DMD: variants seen among roughly 807,000 people sequenced by gnomAD.
The protein encoded by DMD is dystrophin, also known as mutant dystrophin.
A neutral mutation model predicts 330.1 loss-of-function variants in DMD; 63 were observed. The observed-to-expected ratio is 0.19, with a 90% confidence interval of 0.16 to 0.24. The LOEUF is 0.24. Ranked by LOEUF, DMD falls within the 10% of genes least tolerant of loss-of-function variation. The probability of loss-of-function intolerance (pLI) is 1.00; values close to 1 mark genes in which losing one functional copy is unlikely to be tolerated. For missense variants in DMD, 3,344 were observed against 2,684.1 expected, an observed-to-expected ratio of 1.25 and a Z score of -5.43; for synonymous variants, 1,223 against 959.8, an observed-to-expected ratio of 1.27 and a Z score of -5.07.
chrX:32,902,317 C>T (rs1482363491), intron 2 of DMD, among the ~76,000 whole-genome samples: 1 of 109,754 alleles, frequency 9.1e-6, no homozygotes, highest in Non-Finnish European at 1.9e-5. Context: ...CAGCAGAAAG[C>T]GAGGTGCATT....
At chrX:32,494,299 A>G (rs778592917) in intron 19 of DMD, among the ~76,000 whole-genome samples, 1 of 111,728 alleles carries the variant, frequency 9.0e-6, no homozygotes, top group South Asian at 3.8e-4. Context: ...TGAAATTTAT[A>G]ATACGCTCTA....
At chrX:32,886,250 A>C (rs1055807368) in intron 2 of DMD, among the ~76,000 whole-genome samples, 2 of 110,194 alleles carry the variant, frequency 1.8e-5, no homozygotes, top group Admixed American at 1.9e-4. Flanking sequence ...TAAAATAGAG[A>C]TATTTATCCA....
At chrX:32,314,365 C>G (rs1451831091) in intron 41 of DMD, among the ~76,000 whole-genome samples, 1 of 110,947 alleles carries the variant, frequency 9.0e-6, no homozygotes, top group African/African-American at 3.3e-5. Context: ...GGAAACTAGA[C>G]CCCTTTCTTA....
intron 32 of DMD, among the ~76,000 whole-genome samples, chrX:32,388,178 G>A (rs941270816): frequency 2.7e-5 from 3 of 110,762 alleles, no homozygotes; most frequent in African/African-American, 3.3e-5. Flanking sequence ...ACTGACGCAG[G>A]GCACAGTCAC....
chrX:32,726,547 T>C (rs915794076), intron 7 of DMD, among the ~76,000 whole-genome samples: 1 of 111,448 alleles, frequency 9.0e-6, no homozygotes, highest in Non-Finnish European at 1.9e-5. Flanking sequence ...CTTTTACTCT[T>C]TGTAATAAAA....
At chrX:31,211,179 GCAGGAGGA>G (rs999887016) in intron 64 of DMD, among the ~76,000 whole-genome samples, 3 of 112,394 alleles carry the variant, frequency 2.7e-5, no homozygotes, top group African/African-American at 9.7e-5. Flanking sequence ...ATGCAAGGAG[GCAGGAGGA>G]CGGGAGGACG....
rs398123823 is a variant in DMD at position 33,211,340 on chromosome X, T to TA, written c.-29dup. 1.1e-4 allele frequency: 135 copies of TA among 1,202,569 alleles called. No homozygotes were observed. Among genetic ancestry groups the TA allele is most frequent in the African/African-American group, 6.1e-4 (35 of 56,920 alleles). On this transcript the variant is annotated 5_prime_UTR_variant, in exon 1 of 79. Coordinates refer to ENST00000357033, the MANE Select transcript of DMD (RefSeq NM_004006.3). The stretch of plus-strand genomic sequence containing the variant: ...TGAAAAGTGTATATCAAGGCAGCGA[T>TA]AAAAAAAACCTGGTAAAAGTTCTTC...
intron 54 of DMD, among the ~76,000 whole-genome samples, chrX:31,642,903 G>A (rs1385836256): frequency 2.7e-5 from 3 of 111,966 alleles, no homozygotes; most frequent in Non-Finnish European, 5.6e-5. Flanking sequence ...TCAGACAATC[G>A]TTCTTCCGAT....
rs563092969 is a variant in DMD at position 32,396,806 on chromosome X, A to G, written c.4234-6625T>C. Among the ~76,000 whole-genome samples the G allele has an allele frequency of 3.9e-4, 44 of 111,859 alleles. No homozygotes were observed. In the South Asian group the frequency reaches 0.016, roughly 41 times the overall value. ...ATATTTGCCAGCATCTTTACACATT[A>G]ATTCCACAAAATTTACATTTAAATT... is the stretch of plus-strand genomic sequence containing the variant. On this transcript the variant is annotated intron_variant, in intron 30 of 78. Transcript: ENST00000357033.
intron 2 of DMD, among the ~76,000 whole-genome samples, chrX:32,934,665 A>T (rs1411342559): frequency 9.0e-6 from 1 of 111,693 alleles, no homozygotes; most frequent in East Asian, 2.8e-4. Flanking sequence ...TGTAAATTAC[A>T]AAGCTCAATA....
At chrX:31,271,060 G>C (rs184028632) in intron 62 of DMD, among the ~76,000 whole-genome samples, 5 of 111,666 alleles carry the variant, frequency 4.5e-5, no homozygotes, top group Non-Finnish European at 7.5e-5. Context: ...AATTGGTCTT[G>C]GACATTAGGA....
intron 41 of DMD, among the ~76,000 whole-genome samples, chrX:32,335,991 CGTGTATATATAACGTTATATATAACG>C (rs535574683): frequency 0.082 from 2,562 of 31,423 alleles, 100 homozygotes; most frequent in African/African-American, 0.15. Flanking sequence ...TTATATATAA[CGTGTATATATAACGTTATATATAACG>C]TGTATATATA....
intron 44 of DMD, among the ~76,000 whole-genome samples, chrX:32,136,706 T>C (rs1380484507): frequency 8.9e-6 from 1 of 112,342 alleles, no homozygotes; most frequent in Non-Finnish European, 1.9e-5. Flanking sequence ...TTTTGAAAAT[T>C]AATCATCTCA....
At chrX:32,526,563 A>C (rs1227382925) in intron 17 of DMD, among the ~76,000 whole-genome samples, 1 of 111,481 alleles carries the variant, frequency 9.0e-6, no homozygotes, top group Non-Finnish European at 1.9e-5. Flanking sequence ...TTTTCTCAGT[A>C]TTATATTGTA....
At chrX:31,352,248 T>C (rs1338521316) in intron 60 of DMD, among the ~76,000 whole-genome samples, 5 of 107,806 alleles carry the variant, frequency 4.6e-5, no homozygotes, top group Non-Finnish European at 9.8e-5. Context: ...GGAAAACGCG[T>C]GCAAATAAAT....
intron 17 of DMD, among the ~76,000 whole-genome samples, chrX:32,529,459 C>T (rs1359925617): frequency 2.0e-4 from 16 of 80,204 alleles, no homozygotes; most frequent in Admixed American, 1.1e-3. Flanking sequence ...AGTGCAGTGG[C>T]ACAATCTCAC....
chrX:32,245,537 G>A (rs1418964546), intron 43 of DMD, among the ~76,000 whole-genome samples: 1,125 of 89,587 alleles, frequency 0.013, 19 homozygotes, highest in African/African-American at 0.046. Flanking sequence ...CATTGAATCT[G>A]TAAATCACCT....
intron 19 of DMD, among the ~76,000 whole-genome samples, chrX:32,492,985 A>C (rs1050985364): frequency 9.9e-5 from 11 of 111,583 alleles, no homozygotes; most frequent in African/African-American, 3.6e-4. Context: ...TACTTTTATA[A>C]ATGTTCATTT....
At chrX:33,107,704 G>A (rs2095303625) in intron 1 of DMD, among the ~76,000 whole-genome samples, 1 of 111,415 alleles carries the variant, frequency 9.0e-6, no homozygotes, top group African/African-American at 3.3e-5. Context: ...TGTTGAAGGA[G>A]TCATTAACTT....
Sources: allele counts gnomAD v4.1 joint callset (sites outside exome capture counted in the v4.1 genomes callset), GRCh38; gene constraint gnomAD v4.1.1; transcripts MANE v1.5; gene names NCBI Gene and HGNC (gene_info 2026-07-23, HGNC 2026-07-21).